The following INPP4B variants were observed in gnomAD, a reference collection of about 807,000 sequenced individuals.
INPP4B encodes inositol polyphosphate-4-phosphatase type II B, also known as inositol polyphosphate 4-phosphatase type II.
In INPP4B, 55 loss-of-function variants were observed where a neutral mutation model predicts 122.5. The observed-to-expected ratio is 0.45, with a 90% CI of 0.36 to 0.56. INPP4B has a LOEUF of 0.56. INPP4B is among the 20% of genes least tolerant of loss of function. The probability of loss-of-function intolerance (pLI) is 0.00; values close to 1 mark genes in which losing one functional copy is unlikely to be tolerated. For synonymous variants in INPP4B, 403 were observed against 388.7 expected (o/e 1.04, Z -0.43); for missense variants, 1,000 against 1,097.7 (o/e 0.91, Z 1.26).
chr4:142,313,920 T>C (rs540798045), intron 8 of INPP4B, among the ~76,000 whole-genome samples: 18 of 152,290 alleles, frequency 1.2e-4, no homozygotes, highest in African/African-American at 4.3e-4. Flanking sequence ...AGAAAGTGGC[T>C]GTGTTCAATG....
intron 2 of INPP4B, among the ~76,000 whole-genome samples, chr4:142,607,183 T>C (rs144382351): frequency 1.7e-3 from 252 of 152,194 alleles, no homozygotes; most frequent in African/African-American, 5.7e-3. Flanking sequence ...CAAACTTTAA[T>C]GCTGTGTAAA....
At chr4:142,752,749 T>C (rs1769923333) in intron 1 of INPP4B, among the ~76,000 whole-genome samples, 1 of 152,062 alleles carries the variant, frequency 6.6e-6, no homozygotes, top group East Asian at 1.9e-4. Flanking sequence ...TGAGACTACC[T>C]CCTATAAATT....
intron 2 of INPP4B, among the ~76,000 whole-genome samples, chr4:142,605,175 A>G (rs550038699): frequency 2.0e-5 from 3 of 152,214 alleles, no homozygotes; most frequent in East Asian, 3.9e-4. Context: ...CCTATTATCA[A>G]TAAACGGTGC....
intron 7 of INPP4B, among the ~76,000 whole-genome samples, chr4:142,344,059 C>T (rs1467792513): frequency 6.6e-6 from 1 of 152,020 alleles, no homozygotes; most frequent in East Asian, 1.9e-4. Flanking sequence ...ACCATTCAGC[C>T]ACTTTTAATA....
intron 16 of INPP4B, among the ~76,000 whole-genome samples, chr4:142,169,009 A>G (rs1053878325): frequency 4.6e-5 from 7 of 151,608 alleles, no homozygotes; most frequent in Non-Finnish European, 8.9e-5. Flanking sequence ...TTATGTCTAC[A>G]TTTTGTCCAC....
At chr4:142,478,381 AATATG>A (rs146576227) in intron 2 of INPP4B, among the ~76,000 whole-genome samples, 3,206 of 152,268 alleles carry the variant, frequency 0.021, 113 homozygotes, top group African/African-American at 0.072. Flanking sequence ...TTGCCCATTC[AATATG>A]ATGTTGGCTG....
chr4:142,244,611 C>A (rs1288376962), intron 11 of INPP4B, among the ~76,000 whole-genome samples: 3 of 152,232 alleles, frequency 2.0e-5, no homozygotes, highest in Non-Finnish European at 4.4e-5. Context: ...CCCACATTTT[C>A]TTCATCCAGT....
chr4:142,484,260 G>C (rs1336862912), intron 2 of INPP4B, among the ~76,000 whole-genome samples: 1 of 151,874 alleles, frequency 6.6e-6, no homozygotes, highest in Non-Finnish European at 1.5e-5. Flanking sequence ...AAAGTATCAG[G>C]GCAAAGAAAT....
rs184214818 is a variant in INPP4B, at chr4:142,253,741, C to A, written c.688+6751G>T. 4.6e-3 allele frequency among the ~76,000 whole-genome samples: 699 copies of A among 152,308 alleles called. 5 individuals carry two copies. Among genetic ancestry groups the A allele is most frequent in the African/African-American group, 0.016 (661 of 41,572 alleles). On this transcript the variant is annotated intron_variant, in intron 11 of 25. Coordinates refer to ENST00000262992, the MANE Select transcript of INPP4B (RefSeq NM_001101669.3). ...TCTGGCTGACTGCTAGCACAGCGGT[C>A]TGAGATCAAACTGCAAGGTGGCAGT... is the stretch of plus-strand genomic sequence containing the variant.
At chr4:142,033,708 A>G (rs1299190653) in intron 25 of INPP4B, among the ~76,000 whole-genome samples, 1 of 128,058 alleles carries the variant, frequency 7.8e-6, no homozygotes, top group African/African-American at 3.1e-5. Flanking sequence ...TCTGTCACCC[A>G]GGTTGGAGTA....
At chr4:142,517,465 G>A (rs539584530) in intron 2 of INPP4B, among the ~76,000 whole-genome samples, 3 of 152,140 alleles carry the variant, frequency 2.0e-5, no homozygotes, top group South Asian at 2.1e-4. Context: ...TTGGCTTCCC[G>A]GAACTGGGTA....
chr4:142,302,680 G>A (rs1370187395), intron 9 of INPP4B, among the ~76,000 whole-genome samples: 6 of 152,026 alleles, frequency 3.9e-5, no homozygotes, highest in Non-Finnish European at 8.8e-5. Flanking sequence ...ATATTATCAA[G>A]TGTCTTTCAC....
rs1851715469 is a variant in INPP4B at position 142,226,659 on chromosome 4, A to G, written c.836+11205T>C. 2.0e-5 allele frequency among the ~76,000 whole-genome samples: 3 copies of G among 152,204 alleles called. No homozygotes were observed. The South Asian group carries it at 6.2e-4, about 31-fold the overall frequency. ...ACATGAATCATGAATTCTAACGAAA[A>G]GAGTAAAGTTGTAGACAGAAAAACC... On this transcript the variant is annotated intron_variant, in intron 12 of 25. Transcript: ENST00000262992.
At chr4:142,376,678 C>A (rs1167409270) in intron 7 of INPP4B, among the ~76,000 whole-genome samples, 1 of 151,976 alleles carries the variant, frequency 6.6e-6, no homozygotes, top group African/African-American at 2.4e-5. Flanking sequence ...AAGTGGAAAT[C>A]ATCACCCAAC....
At chr4:142,260,680 A>G (rs925340435) in intron 10 of INPP4B, 116 bp from the exon 11 acceptor site, 6 of 673,736 alleles carry the variant, frequency 8.9e-6, no homozygotes, top group Non-Finnish European at 1.5e-5. Context: ...GTTTTGAATA[A>G]AATACTTTTT....
chr4:142,743,093 AC>A (rs1186642258), intron 1 of INPP4B, among the ~76,000 whole-genome samples: 17 of 152,044 alleles, frequency 1.1e-4, no homozygotes, highest in Admixed American at 7.9e-4. Context: ...TAATGGAGTA[AC>A]TTGTCTTGGA....
intron 5 of INPP4B, chr4:142,423,751 G>T: frequency 2.4e-6 from 1 of 424,454 alleles, no homozygotes; most frequent in Non-Finnish European, 4.6e-6. Context: ...ACAATCATCC[G>T]CTTCCATAGA....
At chr4:142,090,293 A>AC (rs1553967570) in intron 23 of INPP4B, among the ~76,000 whole-genome samples, 1 of 149,744 alleles carries the variant, frequency 6.7e-6, no homozygotes, top group Non-Finnish European at 1.5e-5. Context: ...AGTAATTTTG[A>AC]TTTTTTTTTT....
chr4:142,164,601 C>G (rs1048551657), intron 16 of INPP4B, among the ~76,000 whole-genome samples: 1 of 151,728 alleles, frequency 6.6e-6, no homozygotes, highest in South Asian at 2.1e-4. Context: ...ATATATTATC[C>G]ATTTGCCCTT....
Sources: allele counts gnomAD v4.1 joint callset (sites outside exome capture counted in the v4.1 genomes callset), GRCh38; gene constraint gnomAD v4.1.1; transcripts MANE v1.5; gene names NCBI Gene and HGNC (gene_info 2026-07-23, HGNC 2026-07-21).